The following OXR1 variants were observed in gnomAD, a reference collection of about 807,000 sequenced individuals.
OXR1 encodes oxidation resistance protein 1.
A neutral mutation model predicts 104.6 loss-of-function variants in OXR1; 41 were observed. That is an observed-to-expected ratio of 0.39 (90% CI 0.31 to 0.51). The LOEUF is 0.51. Among genes scored for constraint, OXR1 ranks in the 20% least tolerant of loss-of-function variants. The pLI, the probability that OXR1 is intolerant of heterozygous loss-of-function variation, is 0.77. For missense variants in OXR1, 955 were observed against 1,031.9 expected (o/e 0.93, Z 1.02); for synonymous variants, 348 against 348.4 (o/e 1.00, Z 0.01).
chr8:106,465,893 A>G (rs1471687504), intron 2 of OXR1, among the ~76,000 whole-genome samples: 1 of 151,970 alleles, frequency 6.6e-6, no homozygotes, highest in Admixed American at 6.6e-5. Context: ...TGAGTATTCC[A>G]TGAACTAGCC....
At chr8:106,671,991 A>ATAG (rs933041472) in intron 3 of OXR1, among the ~76,000 whole-genome samples, 1 of 145,320 alleles carries the variant, frequency 6.9e-6, no homozygotes, top group African/African-American at 2.5e-5. Flanking sequence ...AATAATAATA[A>ATAG]TAATAATAAT....
At chr8:106,526,731 G>T (rs919041621) in intron 3 of OXR1, among the ~76,000 whole-genome samples, 4 of 152,142 alleles carry the variant, frequency 2.6e-5, no homozygotes, top group Non-Finnish European at 5.9e-5. Context: ...TTTTAGTAGA[G>T]ACAGGTTTTC....
intron 3 of OXR1, among the ~76,000 whole-genome samples, chr8:106,594,296 C>G (rs1819347070): frequency 6.6e-6 from 1 of 152,018 alleles, no homozygotes; most frequent in South Asian, 2.1e-4. Flanking sequence ...TATGTCAGCA[C>G]CAATGTTTCT....
intron 2 of OXR1, among the ~76,000 whole-genome samples, chr8:106,436,865 T>C (rs1362724807): frequency 1.3e-5 from 2 of 152,144 alleles, no homozygotes; most frequent in African/African-American, 2.4e-5. Context: ...CTTGATTGGC[T>C]TGACCTGAAA....
chr8:106,299,006 A>G (rs556279491), intron 1 of OXR1, among the ~76,000 whole-genome samples: 5 of 152,178 alleles, frequency 3.3e-5, no homozygotes, highest in South Asian at 2.1e-4. Flanking sequence ...AATCTCACAC[A>G]TATACAGATA....
chr8:106,590,742 A>G (rs1819016986), intron 3 of OXR1, among the ~76,000 whole-genome samples: 1 of 152,182 alleles, frequency 6.6e-6, no homozygotes, highest in Non-Finnish European at 1.5e-5. Flanking sequence ...ACTCTTAAAT[A>G]CTAGTAAATG....
intron 3 of OXR1, among the ~76,000 whole-genome samples, chr8:106,672,611 A>G (rs1184396698): frequency 6.6e-6 from 1 of 152,214 alleles, no homozygotes; most frequent in East Asian, 1.9e-4. Context: ...GCTTAGATAC[A>G]CACCAGAAAC....
chr8:106,327,305 G>A (rs546837055), intron 1 of OXR1, among the ~76,000 whole-genome samples: 1 of 152,186 alleles, frequency 6.6e-6, no homozygotes, highest in African/African-American at 2.4e-5. Flanking sequence ...GTTACTTTTT[G>A]TTCCTGCTCT....
At chr8:106,749,941 C>G (rs1835733796) in intron 16 of OXR1, among the ~76,000 whole-genome samples, 1 of 151,918 alleles carries the variant, frequency 6.6e-6, no homozygotes, top group Admixed American at 6.6e-5. Context: ...CTTGGTTCTT[C>G]TGCTTGAATC....
At chr8:106,558,207 C>G (rs1036880537) in intron 3 of OXR1, among the ~76,000 whole-genome samples, 6 of 152,182 alleles carry the variant, frequency 3.9e-5, no homozygotes, top group South Asian at 2.1e-4. Context: ...AAAAGCTTCC[C>G]TCTTGAAGAG....
intron 1 of OXR1, among the ~76,000 whole-genome samples, chr8:106,291,320 A>G (rs1812741701): frequency 6.6e-6 from 1 of 152,150 alleles, no homozygotes; most frequent in Non-Finnish European, 1.5e-5. Flanking sequence ...GACTCAAAAA[A>G]CTACCTATTG....
intron 3 of OXR1, chr8:106,581,358 A>C (rs1388182609): frequency 5.3e-6 from 3 of 568,794 alleles, no homozygotes; most frequent in Middle Eastern, 6.2e-4. Context: ...GGAATGTATA[A>C]ATTAACCAAA....
At chr8:106,524,225 G>A (rs895219525) in intron 3 of OXR1, among the ~76,000 whole-genome samples, 3 of 152,152 alleles carry the variant, frequency 2.0e-5, no homozygotes, top group African/African-American at 4.8e-5. Flanking sequence ...AGATATTTGT[G>A]ATAATCAGCT....
chr8:106,693,214 A>G (rs954253097), intron 7 of OXR1, among the ~76,000 whole-genome samples: 3 of 152,164 alleles, frequency 2.0e-5, no homozygotes, highest in Admixed American at 1.3e-4. Context: ...TAGCACACAA[A>G]TAGGAAGATA....
At chr8:106,529,731 G>C (rs1586765075) in intron 3 of OXR1, among the ~76,000 whole-genome samples, 1 of 152,302 alleles carries the variant, frequency 6.6e-6, no homozygotes, top group East Asian at 1.9e-4. Flanking sequence ...AGAAATGTCA[G>C]TAACCCTGAG....
At chr8:106,667,853 C>T (rs1826506005) in intron 3 of OXR1, among the ~76,000 whole-genome samples, 1 of 149,668 alleles carries the variant, frequency 6.7e-6, no homozygotes, top group Non-Finnish European at 1.5e-5. Context: ...TGTGTATGTA[C>T]ATATAGAAGG....
intron 2 of OXR1, among the ~76,000 whole-genome samples, chr8:106,409,298 T>C (rs999262239): frequency 1.3e-5 from 2 of 152,132 alleles, no homozygotes; most frequent in South Asian, 4.2e-4. Context: ...GAGGCGAACT[T>C]GGCCTGTCAA....
intron 2 of OXR1, among the ~76,000 whole-genome samples, chr8:106,512,728 C>T (rs1262366150): frequency 2.6e-5 from 4 of 151,652 alleles, no homozygotes; most frequent in African/African-American, 4.9e-5. Context: ...TTGGTTATGA[C>T]GTGAGGGGAT....
chr8:106,285,779 A>C (rs909826737), intron 1 of OXR1, among the ~76,000 whole-genome samples: 1 of 151,454 alleles, frequency 6.6e-6, no homozygotes, highest in Non-Finnish European at 1.5e-5. Context: ...ATCTTTATAC[A>C]CGACGTCAAC....
Sources: gnomAD v4.1 joint callset for allele counts (sites outside exome capture counted in the v4.1 genomes callset) on GRCh38, gnomAD v4.1.1 for gene constraint, MANE v1.5 for transcripts, NCBI Gene and HGNC (gene_info 2026-07-23, HGNC 2026-07-21) for gene names.